Variants in SHC2 observed in about 807,000 individuals in gnomAD.
The protein encoded by SHC2 is SHC-transforming protein 2.
Under a neutral mutation model 60.6 loss-of-function variants are expected in SHC2, and 62 were observed. That is an observed-to-expected ratio of 1.02 (90% CI 0.83 to 1.26). The LOEUF (loss-of-function observed/expected upper bound fraction) is 1.26, where lower values mean the gene tolerates loss of function less well. SHC2 is among the 50% of genes most tolerant of loss of function. The pLI, the probability that SHC2 is intolerant of heterozygous loss-of-function variation, is 0.00. For synonymous variants in SHC2, 375 were observed against 372.4 expected (o/e 1.01, Z -0.08); for missense variants, 873 against 822.2 (o/e 1.06, Z -0.76).
chr19:434,456 G>T, intron 8 of SHC2, among the ~76,000 whole-genome samples: 1 of 133,974 alleles, frequency 7.5e-6, no homozygotes, highest in South Asian at 2.5e-4. Flanking sequence ...CTGTGAGATA[G>T]TGAGCAAGTG....
Position 424,820 on chromosome 19 carries a change from AC to A in SHC2, c.1309+276del, listed in dbSNP as rs1389061053. Reference sequence around the variant, plus strand: ...TAGGAGGGGCTGGGCCTCACCCATTACACTGCTCGGCCGCATTCGCTAGAGA... The same window carrying A: ...TAGGAGGGGCTGGGCCTCACCCATTAACTGCTCGGCCGCATTCGCTAGAGA... On this transcript the variant is annotated intron_variant, in intron 10 of 12. Coordinates refer to ENST00000264554, the MANE Select transcript of SHC2 (RefSeq NM_012435.3). The surrounding 1 kb of genome is among the most constrained non-coding windows in gnomAD (Gnocchi z 4.5). Among the ~76,000 whole-genome samples, 1 of 152,056 alleles carries A rather than the reference AC, an allele frequency of 6.6e-6. No homozygotes were observed. The highest frequency in any genetic ancestry group is 1.9e-4 in the East Asian group (1 of 5,154).
At position 460,580 on chromosome 19, in the gene SHC2, C is replaced by T. The variant is rs756665814; in HGVS notation, c.417G>A (p.Trp139Ter). 12 of 1,415,234 alleles carry T rather than the reference C, an allele frequency of 8.5e-6. No homozygotes were observed. In the African/African-American group the frequency reaches 1.6e-4, roughly 19 times the overall value. The allele number at this position is 1,415,234 out of a possible 1,614,324, so 87.7% of individuals were successfully genotyped here. A position where few individuals can be genotyped will look rare whatever the true frequency, so the allele number is the denominator to read the frequency against. Reference protein sequence around the residue: ...GSFIHKPAHGWLHPDARVLGP... With the variant: ...GSFIHKPAHG ...CCAGGACCCTGGCGTCGGGGTGTAG[C>T]CAGCCGTGCGCGGGTTTGTGGATGA... The change falls in exon 1 of 13, where the codon TGG (tryptophan) becomes TGA (stop). Residue 139 changes from tryptophan to a stop codon, truncating the protein, a stop_gained. Transcript: ENST00000264554. LOFTEE classifies it high-confidence loss of function.
chr19:460,878 G>A lies in SHC2; in HGVS notation c.119C>T (p.Pro40Leu). ...CGGGCCGCGGCCCAGGAAGCCGCCCGGGGCCGCGAACTTCCACTGCGGCAT... is the reference window on the plus strand; with the variant it reads ...CGGGCCGCGGCCCAGGAAGCCGCCCAGGGCCGCGAACTTCCACTGCGGCAT... ...PRMPQWKFAA[P>L]GGFLGRGPAA... The change falls in exon 1 of 13, where the codon CCG becomes CTG. Residue 40 changes from proline (P) to leucine (L), a missense_variant. Coordinates refer to ENST00000264554, the MANE Select transcript of SHC2 (RefSeq NM_012435.3). 1 of 989,012 alleles carries A rather than the reference G, an allele frequency of 1.0e-6. No individual in the cohort carries two copies. Among genetic ancestry groups the A allele is most frequent in the Non-Finnish European group, 1.2e-6 (1 of 833,738 alleles). The allele number at this position is 989,012 out of a possible 1,614,324, so 61.3% of individuals were successfully genotyped here.
At chr19:442,964 T>C (rs1974939473) in intron 1 of SHC2, among the ~76,000 whole-genome samples, 1 of 98,466 alleles carries the variant, frequency 1.0e-5, no homozygotes. Context: ...GATGGACGGG[T>C]GGGTGGATGG....
In SHC2 at chr19:446,167, C is replaced by G. The variant is rs1412716773; in HGVS notation, c.469-5235G>C. ...AAGGCCGGCCCCCAGGCACCAGACA[C>G]GGGAGAGAGGCCTGGGACAGAGCCT... On this transcript the variant is annotated intron_variant, in intron 1 of 12. Transcript: ENST00000264554. The surrounding 1 kb of genome is among the most constrained non-coding windows in gnomAD (Gnocchi z 5.4). 2.0e-5 allele frequency among the ~76,000 whole-genome samples: 3 copies of G among 152,144 alleles called. No individual in the cohort carries two copies. Among genetic ancestry groups the G allele is most frequent in the African/African-American group, 7.2e-5 (3 of 41,432 alleles).
Position 424,235 on chromosome 19 carries a change from G to A in SHC2, c.1309+862C>T, listed in dbSNP as rs952185219. The stretch of plus-strand genomic sequence containing the variant: ...AAGGAAGGACAAGCCTCCTCCGCCC[G>A]GCTGGGGGCTCCCTCGGGCTGGGTC... On this transcript the variant is annotated intron_variant, in intron 10 of 12. Coordinates refer to ENST00000264554, the MANE Select transcript of SHC2 (RefSeq NM_012435.3). The surrounding 1 kb of genome is among the most constrained non-coding windows in gnomAD (Gnocchi z 4.5). Among the ~76,000 whole-genome samples, 11 of 152,150 alleles carry A rather than the reference G, an allele frequency of 7.2e-5. No individual in the cohort carries two copies. The highest frequency in any genetic ancestry group is 4.1e-4 in the South Asian group (2 of 4,836).
In SHC2 at chr19:435,069, C is replaced by T. The variant is rs74968153; in HGVS notation, c.954-204G>A. Among the ~76,000 whole-genome samples the T allele has an allele frequency of 6.0e-3, 916 of 152,356 alleles. 5 individuals are homozygous for T. Among genetic ancestry groups the T allele is most frequent in the African/African-American group, 8.0e-3 (333 of 41,584 alleles). ...CATCTATAAAATGGAATGTTGCACA[C>T]ATTTCCGAGCTGTAGCACAAAAGGC... On this transcript the variant is annotated intron_variant, in intron 7 of 12. Coordinates refer to ENST00000264554, the MANE Select transcript of SHC2 (RefSeq NM_012435.3).
Position 425,987 on chromosome 19 carries a change from C to T in SHC2, c.1175-756G>A, listed in dbSNP as rs1216052217. Among the ~76,000 whole-genome samples the T allele has an allele frequency of 1.3e-5, 2 of 151,128 alleles. No individual in the cohort carries two copies. Among genetic ancestry groups the T allele is most frequent in the African/African-American group, 4.9e-5 (2 of 40,930 alleles). On this transcript the variant is annotated intron_variant, in intron 9 of 12. Coordinates refer to ENST00000264554, the MANE Select transcript of SHC2 (RefSeq NM_012435.3). This position sits in a 1 kb window ranked among gnomAD's most constrained non-coding sequence, Gnocchi z 4.1. ...CAGATTGCAGTGAGCTGAGATTGTG[C>T]CATTGCAGTCCAGCCTGGGCAACAG...
intron 1 of SHC2, among the ~76,000 whole-genome samples, chr19:442,020 T>C (rs1042358304): frequency 4.6e-5 from 7 of 152,064 alleles, no homozygotes; most frequent in Admixed American, 3.3e-4. Context: ...CAGAGACAGA[T>C]GTGAGAATGC....
Position 438,993 on chromosome 19 carries a change from C to G in SHC2, c.577G>C (p.Val193Leu), listed in dbSNP as rs201973202. Residue 193 changes from valine to leucine, a missense_variant, in exon 3 of 13, where the codon GTC becomes CTC. Physicochemically the swap from Val to Leu is conservative, Grantham distance 32. Coordinates refer to ENST00000264554, the MANE Select transcript of SHC2 (RefSeq NM_012435.3). The surrounding 1 kb of genome is among the most constrained non-coding windows in gnomAD (Gnocchi z 5.0). ...ACCTTTTTCTTCCAGGATCCCCGGA[C>G]GCCAGGCACGGCCTCATGGAGCCGG... The part of the protein sequence containing the change: ...INRLHEAVPG[V>L]RGSWKKKAPN... The G allele has an allele frequency of 6.2e-7, 1 of 1,601,290 alleles. No homozygotes were observed. The highest frequency in any genetic ancestry group is 1.7e-5 in the Admixed American group (1 of 58,666).
Position 437,326 on chromosome 19 carries a change from A to G in SHC2, c.721-643T>C, listed in dbSNP as rs995072946. Among the ~76,000 whole-genome samples, 10 of 150,936 alleles carry G rather than the reference A, an allele frequency of 6.6e-5. No individual in the cohort carries two copies. The East Asian group carries it at 9.8e-4, about 15-fold the overall frequency. ...CGTCTGTGTGCTCATCTGCATGCTC[A>G]TCTGCGTGCTTGTTTGCATGCTCAT... On this transcript the variant is annotated intron_variant, in intron 4 of 12. Transcript: ENST00000264554.
intron 12 of SHC2, among the ~76,000 whole-genome samples, chr19:418,067 C>T (rs1243948199): frequency 6.6e-6 from 1 of 152,122 alleles, no homozygotes. Context: ...GAGGAGAGAC[C>T]ATGAGATCAC....
intron 1 of SHC2, among the ~76,000 whole-genome samples, chr19:443,686 A>G (rs1600308708): frequency 2.4e-5 from 3 of 126,798 alleles, no homozygotes; most frequent in Admixed American, 7.7e-5. Flanking sequence ...GGATGGATGG[A>G]TGGGTGGGTG....
intron 10 of SHC2, among the ~76,000 whole-genome samples, chr19:423,137 A>C: frequency 6.8e-6 from 1 of 147,124 alleles, no homozygotes; most frequent in Non-Finnish European, 1.5e-5. Context: ...TCCCGCCCTG[A>C]CCCTCACTCC....
In SHC2 at chr19:441,183, A is replaced by C; in HGVS notation, c.469-251T>G. The C allele has an allele frequency of 1.0e-6, 1 of 984,516 alleles. No homozygotes were observed. Among genetic ancestry groups the C allele is most frequent in the Non-Finnish European group, 1.2e-6 (1 of 829,474 alleles). The allele number at this position is 984,516 out of a possible 1,614,324, so 61.0% of individuals were successfully genotyped here. ...TTCTCAGGAGCCTGGTGGTTCCCCCAGACGCTCTATGCTGCTTGTTCATTT... is the reference window on the plus strand; with the variant it reads ...TTCTCAGGAGCCTGGTGGTTCCCCCCGACGCTCTATGCTGCTTGTTCATTT... On this transcript the variant is annotated intron_variant, in intron 1 of 12. Transcript: ENST00000264554. This position sits in a 1 kb window ranked among gnomAD's most constrained non-coding sequence, Gnocchi z 4.9.
intron 9 of SHC2, among the ~76,000 whole-genome samples, chr19:426,952 T>C (rs983109482): frequency 6.6e-6 from 1 of 152,086 alleles, no homozygotes; most frequent in South Asian, 2.1e-4. Flanking sequence ...GTAGGAGTTC[T>C]TGGCCAGAGA....
In SHC2 at chr19:436,368, C is replaced by T. The variant is rs373650716; in HGVS notation, c.826+12G>A. 1.8e-4 allele frequency: 280 copies of T among 1,595,596 alleles called. 2 individuals are homozygous for T. The highest frequency in any genetic ancestry group is 1.3e-3 in the Middle Eastern group (8 of 5,986). On this transcript the variant is annotated intron_variant, in intron 6 of 12. Transcript: ENST00000264554. ...GCCACAGGACCCCCACCGGCCTCCC[C>T]GGGGGCCTCACCTCTCTGGTTGATG...
chr19:444,385 C>T (rs936154385), intron 1 of SHC2, among the ~76,000 whole-genome samples: 6 of 152,220 alleles, frequency 3.9e-5, no homozygotes, highest in East Asian at 1.9e-4. Context: ...CAGTGTCTGG[C>T]GCTACAGGGC....
chr19:430,414 G>C (rs1974551310), intron 9 of SHC2, among the ~76,000 whole-genome samples: 1 of 151,764 alleles, frequency 6.6e-6, no homozygotes, highest in East Asian at 1.9e-4. Flanking sequence ...ATACCATGTG[G>C]ATGACACAGT....
Sources: allele counts gnomAD v4.1 joint callset (sites outside exome capture counted in the v4.1 genomes callset), GRCh38; gene constraint gnomAD v4.1.1; non-coding constraint Gnocchi (gnomAD v3.1); transcripts MANE v1.5; gene names NCBI Gene and HGNC (gene_info 2026-07-23, HGNC 2026-07-21).